TNS3: variants seen among roughly 807,000 people sequenced by gnomAD.
TNS3 encodes the protein tensin 3, also known as tensin-3.
A neutral mutation model predicts 140.9 loss-of-function variants in TNS3; 45 were observed. That is an observed-to-expected ratio of 0.32 (90% CI 0.25 to 0.41). The LOEUF is 0.41. Among genes scored for constraint, TNS3 ranks in the 10% least tolerant of loss-of-function variants. TNS3 has a pLI of 1.00. For synonymous variants in TNS3, 815 were observed against 788.4 expected, an observed-to-expected ratio of 1.03 and a Z score of -0.56; for missense variants, 1,716 against 1,906.7, an observed-to-expected ratio of 0.90 and a Z score of 1.86.
At chr7:47,364,093 G>C (rs1790552912) in intron 17 of TNS3, among the ~76,000 whole-genome samples, 1 of 151,980 alleles carries the variant, frequency 6.6e-6, no homozygotes, top group South Asian at 2.1e-4. Flanking sequence ...TCCCTGCTAG[G>C]ATCTAGTAAT....
At chr7:47,563,932 G>A (rs1023178827) in intron 1 of TNS3, among the ~76,000 whole-genome samples, 24 of 152,144 alleles carry the variant, frequency 1.6e-4, no homozygotes, top group East Asian at 1.3e-3. Context: ...GGTGGCTCAC[G>A]CCTGTAATCC....
At chr7:47,291,174 T>C (rs1785677463) in intron 27 of TNS3, among the ~76,000 whole-genome samples, 1 of 151,850 alleles carries the variant, frequency 6.6e-6, no homozygotes, top group South Asian at 2.1e-4. Flanking sequence ...TTGGGGTTGG[T>C]GGGGGAGGGA....
intron 16 of TNS3, among the ~76,000 whole-genome samples, chr7:47,388,251 C>A (rs1193287238): frequency 6.6e-6 from 1 of 152,186 alleles, no homozygotes; most frequent in Admixed American, 6.5e-5. Context: ...CACATACACA[C>A]ACACACACTG....
chr7:47,566,300 G>A (rs952858790), intron 1 of TNS3, among the ~76,000 whole-genome samples: 2 of 152,222 alleles, frequency 1.3e-5, no homozygotes, highest in Non-Finnish European at 2.9e-5. Context: ...TCATTTGGCA[G>A]TGATGGCAGC....
At chr7:47,464,543 G>A (rs1796624297) in intron 4 of TNS3, among the ~76,000 whole-genome samples, 1 of 152,114 alleles carries the variant, frequency 6.6e-6, no homozygotes, top group South Asian at 2.1e-4. Flanking sequence ...ACAGACTTCA[G>A]TTTGCATCAG....
At chr7:47,424,269 G>T in intron 9 of TNS3, 85 bp from the exon 10 acceptor site, 1 of 1,366,318 alleles carries the variant, frequency 7.3e-7, no homozygotes, top group Admixed American at 1.9e-5. Flanking sequence ...TCTCATGGCT[G>T]TTCAAAGCGA....
intron 4 of TNS3, among the ~76,000 whole-genome samples, chr7:47,453,944 C>T (rs922045183): frequency 6.6e-6 from 1 of 152,258 alleles, no homozygotes; most frequent in South Asian, 2.1e-4. Context: ...TGGTCAGTCA[C>T]GTCCCTTTAA....
At chr7:47,351,180 G>A (rs983137909) in intron 17 of TNS3, among the ~76,000 whole-genome samples, 18 of 152,200 alleles carry the variant, frequency 1.2e-4, no homozygotes, top group African/African-American at 3.6e-4. Flanking sequence ...CCTAAATCCC[G>A]TTCTAATTTT....
At chr7:47,546,162 TTAA>T (rs1171478297) in intron 1 of TNS3, among the ~76,000 whole-genome samples, 9 of 152,184 alleles carry the variant, frequency 5.9e-5, no homozygotes, top group African/African-American at 1.9e-4. Flanking sequence ...GGGTTTATTA[TTAA>T]TTATTCTGGG....
chr7:47,335,841 G>A (rs1164496808), intron 20 of TNS3, among the ~76,000 whole-genome samples: 4 of 152,174 alleles, frequency 2.6e-5, no homozygotes, highest in Non-Finnish European at 5.9e-5. Flanking sequence ...GGCTCAGAGA[G>A]GTCCCTAGAA....
intron 9 of TNS3, among the ~76,000 whole-genome samples, chr7:47,424,669 C>G (rs1278396005): frequency 1.3e-5 from 2 of 152,170 alleles, no homozygotes; most frequent in Non-Finnish European, 2.9e-5. Context: ...AACAGACACC[C>G]CCATGAAGTC....
chr7:47,342,285 A>T (rs147245141), intron 20 of TNS3, among the ~76,000 whole-genome samples: 15 of 152,316 alleles, frequency 9.8e-5, no homozygotes, highest in African/African-American at 3.6e-4. Flanking sequence ...AAGTATGTCT[A>T]ATTCACCCTC....
intron 17 of TNS3, among the ~76,000 whole-genome samples, chr7:47,352,697 TC>T (rs974937682): frequency 5.9e-5 from 9 of 152,264 alleles, no homozygotes; most frequent in East Asian, 3.9e-4. Flanking sequence ...CTGGCTCCCT[TC>T]CAGGGGCAGA....
chr7:47,337,691 A>G (rs1162327098), intron 20 of TNS3, among the ~76,000 whole-genome samples: 1 of 152,188 alleles, frequency 6.6e-6, no homozygotes, highest in Admixed American at 6.5e-5. Flanking sequence ...AAATCTGAGC[A>G]GTCACCTCCC....
rs1455092487 is a variant in TNS3 at position 47,495,099 on chromosome 7, G to A, written c.-115+11808C>T. Among the ~76,000 whole-genome samples the A allele has an allele frequency of 2.6e-5, 4 of 151,058 alleles. No homozygotes were observed. In the South Asian group the frequency reaches 8.4e-4, roughly 32 times the overall value. ...CCAGCTACTCGGGAGGCTGAGGCAG[G>A]AGAATAGCGTGAACCCGGGAGGCGG... On this transcript the variant is annotated intron_variant, in intron 3 of 30. Coordinates refer to ENST00000311160, the MANE Select transcript of TNS3 (RefSeq NM_022748.12).
chr7:47,515,305 CT>C (rs1198898003), intron 2 of TNS3, among the ~76,000 whole-genome samples: 3 of 152,166 alleles, frequency 2.0e-5, no homozygotes, highest in Admixed American at 2.0e-4. Flanking sequence ...GAATATGCCC[CT>C]AACCCTTCTC....
In TNS3 at chr7:47,328,092, C is replaced by T. The variant is rs546427653; in HGVS notation, c.2650+16663G>A. Among the ~76,000 whole-genome samples, 6 of 152,164 alleles carry T rather than the reference C, an allele frequency of 3.9e-5. No individual in the cohort carries two copies. In the South Asian group the frequency reaches 1.0e-3, roughly 26 times the overall value. Reference sequence around the variant, plus strand: ...CAGCCCTACGTGGTGAGCAGAGTCCCGAGTCCCTGTCCCAGCGGTGGCGTC... The same window carrying T: ...CAGCCCTACGTGGTGAGCAGAGTCCTGAGTCCCTGTCCCAGCGGTGGCGTC... On this transcript the variant is annotated intron_variant, in intron 20 of 30. Coordinates refer to ENST00000311160, the MANE Select transcript of TNS3 (RefSeq NM_022748.12).
chr7:47,378,136 AGGCATGGCACACAGCAGGCATTG>A (rs769675694), intron 16 of TNS3, among the ~76,000 whole-genome samples: 92 of 152,266 alleles, frequency 6.0e-4, no homozygotes, highest in Non-Finnish European at 1.1e-3. Flanking sequence ...TCAACACAAA[AGGCATGGCACACAGCAGGCATTG>A]GGCAAACCCT....
rs942691528 is a variant in TNS3 at position 47,276,246 on chromosome 7, A to G, written c.*1830T>C. ...CAAACATTTGGCACAGAAATGAGGCACTTGGTTTGGTGCATCAATAGGAGC... is the reference window on the plus strand; with the variant it reads ...CAAACATTTGGCACAGAAATGAGGCGCTTGGTTTGGTGCATCAATAGGAGC... On this transcript the variant is annotated 3_prime_UTR_variant, in exon 31 of 31. Coordinates refer to ENST00000311160, the MANE Select transcript of TNS3 (RefSeq NM_022748.12). 5.2e-6 allele frequency: 1 copy of G among 191,958 alleles called. No individual in the cohort carries two copies. The highest frequency in any genetic ancestry group is 2.4e-5 in the African/African-American group (1 of 42,500). 11.9% of individuals were successfully genotyped at this position (191,958 alleles called of 1,614,324 possible).
Sources: gnomAD v4.1 joint callset for allele counts (sites outside exome capture counted in the v4.1 genomes callset) on GRCh38, gnomAD v4.1.1 for gene constraint, MANE v1.5 for transcripts, NCBI Gene and HGNC (gene_info 2026-07-23, HGNC 2026-07-21) for gene names.